SLC35A3: variants seen among roughly 807,000 people sequenced by gnomAD.
The protein encoded by SLC35A3 is solute carrier family 35 member A3, also known as UDP-N-acetylglucosamine transporter.
Under a neutral mutation model 39.0 loss-of-function variants are expected in SLC35A3, and 26 were observed. The ratio of observed to expected loss-of-function variants is 0.67; its 90% confidence interval spans 0.49 to 0.92. SLC35A3 has a LOEUF of 0.92. Among genes scored for constraint, SLC35A3 ranks in the 40% least tolerant of loss-of-function variants. The probability of loss-of-function intolerance (pLI) is 0.00; values close to 1 mark genes in which losing one functional copy is unlikely to be tolerated. For synonymous variants in SLC35A3, 135 were observed against 133.1 expected (o/e 1.01, Z -0.10); for missense variants, 299 against 371.6 (o/e 0.80, Z 1.61).
chr1:99,986,852 T>G (rs1000931351), intron 1 of SLC35A3, among the ~76,000 whole-genome samples: 2 of 152,214 alleles, frequency 1.3e-5, no homozygotes, highest in African/African-American at 2.4e-5. Context: ...CCTACCAAAG[T>G]GCTGGGTTTA....
At chr1:100,008,943 A>G (rs529805090) in intron 4 of SLC35A3, 16 of 152,300 alleles carry the variant, frequency 1.1e-4, no homozygotes, top group Admixed American at 3.9e-4. Context: ...TAAACAAATG[A>G]TATTTGTTTT....
intron 2 of SLC35A3, among the ~76,000 whole-genome samples, chr1:99,996,626 T>C (rs1658413264): frequency 6.6e-6 from 1 of 152,178 alleles, no homozygotes; most frequent in African/African-American, 2.4e-5. Flanking sequence ...TAGTCCCAGT[T>C]ACTTGGGAGG....
At chr1:100,008,509 G>C (rs1395011377) in intron 4 of SLC35A3, 1 of 152,164 alleles carries the variant, frequency 6.6e-6, no homozygotes, top group African/African-American at 2.4e-5. Context: ...TGACACACTG[G>C]ACCTTCTGAA....
intron 3 of SLC35A3, among the ~76,000 whole-genome samples, chr1:100,005,992 A>G (rs1421002847): frequency 4.6e-5 from 7 of 152,172 alleles, no homozygotes; most frequent in Non-Finnish European, 2.9e-5. Context: ...GATAGCTTTC[A>G]TAGGGAAAGA....
chr1:100,015,849 A>ATAG (rs1660063900), intron 6 of SLC35A3, among the ~76,000 whole-genome samples: 1 of 152,162 alleles, frequency 6.6e-6, no homozygotes, highest in Non-Finnish European at 1.5e-5. Flanking sequence ...CAGTTTATAT[A>ATAG]TAGCTTGGAA....
intron 2 of SLC35A3, among the ~76,000 whole-genome samples, chr1:99,996,913 A>G (rs547514685): frequency 1.3e-5 from 2 of 152,144 alleles, no homozygotes; most frequent in Admixed American, 1.3e-4. Flanking sequence ...CCTATTTTAT[A>G]TTGAGAGAAA....
chr1:100,011,569 AT>A (rs1347385428), intron 5 of SLC35A3, 36 bp downstream of exon 5: 1 of 831,056 alleles, frequency 1.2e-6, no homozygotes, highest in African/African-American at 1.8e-5. Context: ...TATTTTAAAA[AT>A]GATTATATTG....
At position 100,025,862 on chromosome 1, in the gene SLC35A3, T is replaced by G. The variant is rs1468916776; in HGVS notation, c.*3386T>G. The G allele has an allele frequency of 6.6e-6, 1 of 152,206 alleles. No homozygotes were observed. The highest frequency in any genetic ancestry group is 2.4e-5 in the African/African-American group (1 of 41,448). 9.4% of individuals were successfully genotyped at this position (152,206 alleles called of 1,614,324 possible). Reference sequence around the variant, plus strand: ...GAGAAGAGTGCCAATTGATAGTTCTTTTAGCAATTAAGAATATGGTATTTG... The same window carrying G: ...GAGAAGAGTGCCAATTGATAGTTCTGTTAGCAATTAAGAATATGGTATTTG... On this transcript the variant is annotated 3_prime_UTR_variant, in exon 8 of 8. Coordinates refer to ENST00000533028, the MANE Select transcript of SLC35A3 (RefSeq NM_012243.3).
At chr1:100,007,486 G>T in intron 4 of SLC35A3, 1 of 170,470 alleles carries the variant, frequency 5.9e-6, no homozygotes, top group Non-Finnish European at 1.2e-5. Flanking sequence ...ATTTTCTATC[G>T]GCTTCACAAT....
At chr1:100,020,969 TTAG>T (rs1660493127) in intron 7 of SLC35A3, among the ~76,000 whole-genome samples, 2 of 152,146 alleles carry the variant, frequency 1.3e-5, no homozygotes, top group Non-Finnish European at 2.9e-5. Flanking sequence ...TTAATAATGA[TTAG>T]TAATTATTTT....
In SLC35A3 at chr1:100,030,980, A is replaced by G. The variant is rs950515730; in HGVS notation, c.*8504A>G. The G allele has an allele frequency of 2.0e-5, 3 of 152,174 alleles. No homozygotes were observed. Among genetic ancestry groups the G allele is most frequent in the Non-Finnish European group, 2.9e-5 (2 of 68,034 alleles). 9.4% of individuals were successfully genotyped at this position (152,174 alleles called of 1,614,324 possible). On this transcript the variant is annotated 3_prime_UTR_variant, in exon 8 of 8. Transcript: ENST00000533028. Reference sequence around the variant, plus strand: ...CCAGTCATATTGCTATGAATTCTAGAATTTTAAAACCTGCCACACTTATTT... The same window carrying G: ...CCAGTCATATTGCTATGAATTCTAGGATTTTAAAACCTGCCACACTTATTT...
rs762986867 is a variant in SLC35A3 at position 99,970,506 on chromosome 1, T to C, written c.-19+344T>C. 68 of 1,497,954 alleles carry C rather than the reference T, an allele frequency of 4.5e-5. No homozygotes were observed. In the East Asian group the frequency reaches 8.4e-4, roughly 18 times the overall value. The allele number at this position is 1,497,954 out of a possible 1,614,324, so 92.8% of individuals were successfully genotyped here. A position where few individuals can be genotyped will look rare whatever the true frequency, so the allele number is the denominator to read the frequency against. On this transcript the variant is annotated intron_variant, in intron 1 of 7. Transcript: ENST00000533028. ...GGAGCTAGTGACGGGTGGGCCCGGC[T>C]GGGGCCCGTCATTCCTTCAGTGAAC...
intron 1 of SLC35A3, among the ~76,000 whole-genome samples, chr1:99,989,369 C>A (rs2101104309): frequency 6.6e-6 from 1 of 151,818 alleles, no homozygotes; most frequent in South Asian, 2.1e-4. Flanking sequence ...CTGCAACCTC[C>A]ATCTCTCGGG....
intron 1 of SLC35A3, among the ~76,000 whole-genome samples, chr1:99,971,021 T>C (rs1037865886): frequency 1.3e-5 from 2 of 152,188 alleles, no homozygotes; most frequent in African/African-American, 4.8e-5. Flanking sequence ...TATGCTCGTC[T>C]TTCCTCTTCT....
In SLC35A3 at chr1:100,028,652, TAAA is replaced by T. The variant is rs1661051551; in HGVS notation, c.*6179_*6181del. On this transcript the variant is annotated 3_prime_UTR_variant, in exon 8 of 8. Coordinates refer to ENST00000533028, the MANE Select transcript of SLC35A3 (RefSeq NM_012243.3). ...CCATATTGGTCTTTCTTACTGTTCT[TAAA>T]AAGAGAATTCCTTTAAGGCAGGACC... is the stretch of plus-strand genomic sequence containing the variant. 6.6e-6 allele frequency: 1 copy of T among 152,166 alleles called. No individual in the cohort carries two copies. Among genetic ancestry groups the T allele is most frequent in the Admixed American group, 6.5e-5 (1 of 15,282 alleles). The allele number at this position is 152,166 out of a possible 1,614,324, so 9.4% of individuals were successfully genotyped here.
In SLC35A3 at chr1:99,993,643, T is replaced by C; in HGVS notation, c.89T>C (p.Leu30Ser). The change falls in exon 2 of 8, where the codon TTA becomes TCA. Residue 30 changes from leucine (L) to serine (S), a missense_variant. By Grantham distance (145) the Leu-to-Ser change is moderately radical (BLOSUM62 -2). Coordinates refer to ENST00000533028, the MANE Select transcript of SLC35A3 (RefSeq NM_012243.3). ...CTAACAATGCGTTATTCCAGAACTT[T>C]AAAAGAAGAAGGACCTCGTTATCTA... ...LVLTMRYSRT[L>S]KEEGPRYLSS... The C allele has an allele frequency of 1.2e-6, 2 of 1,614,072 alleles. No individual in the cohort carries two copies. Among genetic ancestry groups the C allele is most frequent in the Non-Finnish European group, 1.7e-6 (2 of 1,179,954 alleles).
intron 1 of SLC35A3, among the ~76,000 whole-genome samples, chr1:99,972,108 C>T (rs1656849082): frequency 1.3e-5 from 2 of 152,066 alleles, no homozygotes; most frequent in South Asian, 4.1e-4. Context: ...ACCATGTTGG[C>T]CAGGCTGGTC....
intron 1 of SLC35A3, among the ~76,000 whole-genome samples, chr1:99,974,147 T>C (rs1302896683): frequency 6.6e-6 from 1 of 152,160 alleles, no homozygotes; most frequent in East Asian, 1.9e-4. Flanking sequence ...TCTGTAAAAG[T>C]TATGTAAGTT....
chr1:99,989,465 G>T (rs149975370), intron 1 of SLC35A3, among the ~76,000 whole-genome samples: 2,039 of 151,970 alleles, frequency 0.013, 18 homozygotes, highest in Middle Eastern at 0.058. Flanking sequence ...TGTATTTTTA[G>T]TAGAGATGGG....
Sources: gnomAD v4.1 joint callset for allele counts (sites outside exome capture counted in the v4.1 genomes callset) on GRCh38, gnomAD v4.1.1 for gene constraint, MANE v1.5 for transcripts, NCBI Gene and HGNC (gene_info 2026-07-23, HGNC 2026-07-21) for gene names.